The following DGKB variants were observed in gnomAD, a reference collection of about 807,000 sequenced individuals.
The protein encoded by DGKB is 90 kDa diacylglycerol kinase.
In DGKB, 67 loss-of-function variants were observed where a neutral mutation model predicts 114.3. The ratio of observed to expected loss-of-function variants is 0.59; its 90% CI spans 0.48 to 0.72. The LOEUF is 0.72. Ranked by LOEUF, DGKB falls within the 30% of genes least tolerant of loss-of-function variation. The probability of loss-of-function intolerance (pLI) is 0.00; values close to 1 mark genes in which losing one functional copy is unlikely to be tolerated. For missense variants in DGKB, 907 were observed against 975.2 expected (o/e 0.93, Z 0.93); for synonymous variants, 398 against 323.1 (o/e 1.23, Z -2.49).
chr7:14,176,716 CA>C (rs1781791626), intron 25 of DGKB, 122 bp downstream of exon 25: 1 of 1,489,530 alleles, frequency 6.7e-7, no homozygotes, highest in Non-Finnish European at 8.9e-7. Context: ...ACAACAACAA[CA>C]AAAAGACTAT....
At position 14,372,316 on chromosome 7, in the gene DGKB, T is replaced by C. The variant is rs144493375; in HGVS notation, c.1836-26925A>G. 7.1e-3 allele frequency among the ~76,000 whole-genome samples: 1,079 copies of C among 152,338 alleles called. 9 individuals carry two copies. Among genetic ancestry groups the C allele is most frequent in the African/African-American group, 0.02 (844 of 41,578 alleles). ...TTGATTCCTTTTTTCCTTCTTGAAT[T>C]AAAGCTCACATAGTTGATCTTTATG... On this transcript the variant is annotated intron_variant, in intron 21 of 25. Coordinates refer to ENST00000402815, the MANE Select transcript of DGKB (RefSeq NM_001350709.2).
chr7:14,157,561 T>C (rs1410486572), intron 25 of DGKB, among the ~76,000 whole-genome samples: 1 of 152,128 alleles, frequency 6.6e-6, no homozygotes, highest in East Asian at 1.9e-4. Context: ...TAAATATGTA[T>C]GGAAAAGAGA....
chr7:14,594,169 T>A (rs932167469), intron 17 of DGKB, among the ~76,000 whole-genome samples: 6 of 152,066 alleles, frequency 3.9e-5, no homozygotes, highest in African/African-American at 1.2e-4. Flanking sequence ...AAAACGCCAT[T>A]TTCTCTCATC....
At chr7:14,176,943 T>C (rs773390568) in intron 24 of DGKB, 44 bp from the exon 25 acceptor site, 3 of 1,609,250 alleles carry the variant, frequency 1.9e-6, no homozygotes, top group East Asian at 2.2e-5. Context: ...GGAAATACTT[T>C]ATATTACAGA....
intron 2 of DGKB, among the ~76,000 whole-genome samples, chr7:14,811,635 G>C (rs976987257): frequency 6.6e-6 from 1 of 152,036 alleles, no homozygotes; most frequent in Non-Finnish European, 1.5e-5. Context: ...TTCAGGTGAA[G>C]GTGATAATTC....
intron 21 of DGKB, among the ~76,000 whole-genome samples, chr7:14,422,420 AC>A (rs1826857620): frequency 1.3e-5 from 2 of 152,074 alleles, no homozygotes. Flanking sequence ...ATACATGTGT[AC>A]TTTTTGATTA....
At chr7:14,769,417 A>G (rs1351507407) in intron 2 of DGKB, among the ~76,000 whole-genome samples, 2 of 152,028 alleles carry the variant, frequency 1.3e-5, no homozygotes, top group Non-Finnish European at 2.9e-5. Flanking sequence ...TTCAAAGTGA[A>G]TTGTAGAATT....
chr7:14,770,789 G>A (rs904851780), intron 2 of DGKB, among the ~76,000 whole-genome samples: 17 of 151,990 alleles, frequency 1.1e-4, no homozygotes, highest in African/African-American at 4.1e-4. Context: ...ACTAACAGCT[G>A]AACAGACAGG....
intron 20 of DGKB, among the ~76,000 whole-genome samples, chr7:14,526,457 T>C (rs866815022): frequency 3.9e-5 from 6 of 152,184 alleles, no homozygotes; most frequent in Middle Eastern, 3.4e-3. Context: ...TACATCTGCC[T>C]AAATTTTAAT....
intron 1 of DGKB, among the ~76,000 whole-genome samples, chr7:14,940,342 C>G (rs62448580): frequency 7.4e-6 from 1 of 135,398 alleles, no homozygotes; most frequent in African/African-American, 2.6e-5. Flanking sequence ...AGTCTTCAAG[C>G]CTTTTTTTTT....
At chr7:14,226,483 CT>C in intron 23 of DGKB, among the ~76,000 whole-genome samples, 1 of 151,972 alleles carries the variant, frequency 6.6e-6, no homozygotes, top group Admixed American at 6.6e-5. Flanking sequence ...GTAATATATT[CT>C]TTAAAATTAA....
intron 20 of DGKB, among the ~76,000 whole-genome samples, chr7:14,563,371 T>C (rs1290530766): frequency 6.6e-6 from 1 of 152,152 alleles, no homozygotes; most frequent in East Asian, 1.9e-4. Flanking sequence ...ATATATTTGG[T>C]TTTCCCTGTT....
At chr7:14,778,966 G>C (rs1346828136) in intron 2 of DGKB, among the ~76,000 whole-genome samples, 2 of 152,062 alleles carry the variant, frequency 1.3e-5, no homozygotes, top group Non-Finnish European at 2.9e-5. Context: ...GATCAACCTG[G>C]CCAACATGGT....
intron 13 of DGKB, among the ~76,000 whole-genome samples, chr7:14,632,042 A>G (rs1809819829): frequency 2.6e-5 from 4 of 151,976 alleles, no homozygotes; most frequent in Admixed American, 2.6e-4. Flanking sequence ...ATTTGCAGAG[A>G]GCAGGCACTG....
intron 20 of DGKB, among the ~76,000 whole-genome samples, chr7:14,530,725 T>C (rs1791447964): frequency 6.6e-6 from 1 of 151,548 alleles, no homozygotes; most frequent in African/African-American, 2.4e-5. Flanking sequence ...TCACAAAGAA[T>C]AATTCATGTA....
intron 21 of DGKB, among the ~76,000 whole-genome samples, chr7:14,436,009 A>G (rs1368197898): frequency 1.3e-5 from 2 of 152,072 alleles, no homozygotes; most frequent in Non-Finnish European, 2.9e-5. Flanking sequence ...TTTTGGCACA[A>G]AATATTTCAA....
intron 5 of DGKB, among the ~76,000 whole-genome samples, chr7:14,725,345 G>A (rs1829861837): frequency 6.6e-6 from 1 of 151,846 alleles, no homozygotes; most frequent in Non-Finnish European, 1.5e-5. Flanking sequence ...GTATGCAGAT[G>A]GATAATTGAA....
intron 13 of DGKB, among the ~76,000 whole-genome samples, chr7:14,641,427 G>C (rs559135652): frequency 8.6e-5 from 13 of 151,640 alleles, no homozygotes; most frequent in African/African-American, 3.1e-4. Context: ...GTAAGTTTTG[G>C]GATTTAGCAT....
chr7:14,852,487 C>CAAAAAAAAA lies in DGKB; in HGVS notation c.-187-11046_-187-11038dup. ...GAGGAATAGCTAAAATAGTGAAAGT[C>CAAAAAAAAA]AAAAAAAAAACAGAAATCAAGCATA... is the stretch of plus-strand genomic sequence containing the variant. On this transcript the variant is annotated intron_variant, in intron 1 of 25. Transcript: ENST00000402815. Among the ~76,000 whole-genome samples, 12 of 63,618 alleles carry CAAAAAAAAA rather than the reference C, an allele frequency of 1.9e-4. 2 individuals are homozygous for CAAAAAAAAA. The highest frequency in any genetic ancestry group is 5.0e-4 in the East Asian group (1 of 2,000). 41.7% of individuals were successfully genotyped at this position (63,618 alleles called of 152,430 possible).
Sources: gnomAD v4.1 joint callset for allele counts (sites outside exome capture counted in the v4.1 genomes callset) on GRCh38, gnomAD v4.1.1 for gene constraint, MANE v1.5 for transcripts, NCBI Gene and HGNC (gene_info 2026-07-23, HGNC 2026-07-21) for gene names.